LTBP3: variants seen among roughly 807,000 people sequenced by gnomAD.
LTBP3 encodes the protein latent transforming growth factor beta binding protein 3.
LTBP3 carries 97 observed loss-of-function variants against 159.7 expected under a neutral mutation model. That is an observed-to-expected ratio of 0.61 (90% CI 0.52 to 0.72). LTBP3 has a LOEUF of 0.72. Ranked by LOEUF, LTBP3 falls within the 30% of genes least tolerant of loss-of-function variation. LTBP3 has a pLI of 0.00. For missense variants in LTBP3, 1,584 were observed against 1,864.3 expected (o/e 0.85, Z 2.77); for synonymous variants, 824 against 777.1 (o/e 1.06, Z -1.00).
In LTBP3 at chr11:65,558,019, C is replaced by T. The variant is rs1456012316; in HGVS notation, c.-60G>A. ...CCCGGGCGGGGCGAGGGGCCCGCGCCCGAAGGGAGTAGAGGGCCGGGAGCC... is the reference window on the plus strand; with the variant it reads ...CCCGGGCGGGGCGAGGGGCCCGCGCTCGAAGGGAGTAGAGGGCCGGGAGCC... On this transcript the variant is annotated 5_prime_UTR_variant, in exon 1 of 28. Coordinates refer to ENST00000301873, the MANE Select transcript of LTBP3 (RefSeq NM_001130144.3). 3.7e-6 allele frequency: 4 copies of T among 1,094,090 alleles called. No homozygotes were observed. The African/African-American group carries it at 6.7e-5, about 18-fold the overall frequency. 67.8% of individuals were successfully genotyped at this position (1,094,090 alleles called of 1,614,324 possible).
At position 65,538,832 on chromosome 11, in the gene LTBP3, C is replaced by G; in HGVS notation, c.*248G>C. The G allele has an allele frequency of 1.2e-6, 1 of 818,702 alleles. No homozygotes were observed. The allele number at this position is 818,702 out of a possible 1,614,324, so 50.7% of individuals were successfully genotyped here. A position where few individuals can be genotyped will look rare whatever the true frequency, so the allele number is the denominator to read the frequency against. On this transcript the variant is annotated 3_prime_UTR_variant, in exon 28 of 28. Transcript: ENST00000301873. ...AAAGCCAAGGGTAAAGAGGCACGAT[C>G]TGATTTATCAGTTTCTAGGAAACAC...
chr11:65,552,128 T>A lies in LTBP3; in HGVS notation c.1375A>T (p.Lys459Ter). Reference sequence around the variant, plus strand: ...TGGGAGGTGAGAATGTGGTATCCCTTCCCAGCTGGGCAGATCTCCTTGAAC... The same window carrying A: ...TGGGAGGTGAGAATGTGGTATCCCTACCCAGCTGGGCAGATCTCCTTGAAC... ...AAFKEICPAG[K>*]GYHILTSHQT... is the part of the protein sequence containing the mutation. The change falls in exon 8 of 28, where the codon AAG (lysine) becomes TAG (stop). Residue 459 changes from lysine to a stop codon, truncating the protein, a stop_gained. Transcript: ENST00000301873. LOFTEE classifies it high-confidence loss of function. The surrounding 1 kb of genome is among the most constrained non-coding windows in gnomAD (Gnocchi z 6.0). 1 of 1,614,112 alleles carries A rather than the reference T, an allele frequency of 6.2e-7. No homozygotes were observed. The highest frequency in any genetic ancestry group is 8.5e-7 in the Non-Finnish European group (1 of 1,180,012).
chr11:65,553,269 G>A lies in LTBP3; in HGVS notation c.971-13C>T. On this transcript the variant is annotated splice_polypyrimidine_tract_variant and intron_variant, in intron 4 of 27. Coordinates refer to ENST00000301873, the MANE Select transcript of LTBP3 (RefSeq NM_001130144.3). This position sits in a 1 kb window ranked among gnomAD's most constrained non-coding sequence, Gnocchi z 6.5. ...TGCACTCCTGTGTCTGCAGAGAGAG[G>A]ATAGCTTGGCAGGGGAGGGTGAGGA... The A allele has an allele frequency of 6.2e-7, 1 of 1,610,226 alleles. No homozygotes were observed.
chr11:65,540,962 G>C lies in LTBP3; in HGVS notation c.2894-8C>G. Reference sequence around the variant, plus strand: ...AGAGGCTGTGGAACTCGGCTGCAGGGGCAGGGCGGCCGTGGGGAGGGAAGA... The same window carrying C: ...AGAGGCTGTGGAACTCGGCTGCAGGCGCAGGGCGGCCGTGGGGAGGGAAGA... On this transcript the variant is annotated splice_region_variant and splice_polypyrimidine_tract_variant and intron_variant, in intron 20 of 27. Transcript: ENST00000301873. 1 of 1,612,546 alleles carries C rather than the reference G, an allele frequency of 6.2e-7. No individual in the cohort carries two copies. The highest frequency in any genetic ancestry group is 8.5e-7 in the Non-Finnish European group (1 of 1,179,400).
intron 16 of LTBP3, chr11:65,544,591 T>A (rs1008885312): frequency 6.6e-6 from 1 of 152,542 alleles, no homozygotes; most frequent in African/African-American, 2.4e-5. Context: ...CACCTCCCTC[T>A]CTGACTCCTC....
At position 65,540,634 on chromosome 11, in the gene LTBP3, G is replaced by A. The variant is rs558674342; in HGVS notation, c.2978-20C>T. ...CGATGTCTGCGGGGTGACAAACACTGGCCGCTCCGGTCCCGCAGCTGCAGC... is the reference window on the plus strand; with the variant it reads ...CGATGTCTGCGGGGTGACAAACACTAGCCGCTCCGGTCCCGCAGCTGCAGC... On this transcript the variant is annotated intron_variant, in intron 21 of 27. Transcript: ENST00000301873. The A allele has an allele frequency of 1.1e-5, 17 of 1,612,656 alleles. 1 individual carries two copies. The South Asian group carries it at 1.4e-4, about 14-fold the overall frequency.
chr11:65,545,647 C>T (rs931999398), intron 16 of LTBP3: 2 of 230,080 alleles, frequency 8.7e-6, no homozygotes, highest in Admixed American at 5.7e-5. Flanking sequence ...CTCATCCTGT[C>T]CACCACTGTC....
intron 1 of LTBP3, among the ~76,000 whole-genome samples, chr11:65,556,419 T>G (rs949718398): frequency 1.1e-4 from 16 of 152,110 alleles, no homozygotes; most frequent in Admixed American, 6.5e-5. Context: ...TCCCAGCTAC[T>G]TGGGAGGCTG....
chr11:65,551,481 G>A lies in LTBP3; in HGVS notation c.1549-7C>T, dbSNP rs1444021779. The A allele has an allele frequency of 1.9e-6, 3 of 1,614,050 alleles. No homozygotes were observed. Among genetic ancestry groups the A allele is most frequent in the Non-Finnish European group, 2.5e-6 (3 of 1,180,012 alleles). ...ACCTCTCCTCACTCACCGGCTGCGGGTGACAGCAGCATGAGCCCTCCTGTC... is the reference window on the plus strand; with the variant it reads ...ACCTCTCCTCACTCACCGGCTGCGGATGACAGCAGCATGAGCCCTCCTGTC... On this transcript the variant is annotated splice_polypyrimidine_tract_variant and splice_region_variant and intron_variant, in intron 9 of 27. Coordinates refer to ENST00000301873, the MANE Select transcript of LTBP3 (RefSeq NM_001130144.3).
intron 8 of LTBP3, 150 bp downstream of exon 8, chr11:65,551,822 G>A: frequency 9.7e-7 from 1 of 1,026,424 alleles, no homozygotes; most frequent in Admixed American, 1.7e-5. Context: ...ATCTGGGTCA[G>A]GGGTCAGAGG....
chr11:65,541,081 A>G (rs1339923934), intron 20 of LTBP3, 45 bp downstream of exon 20: 1 of 1,597,406 alleles, frequency 6.3e-7, no homozygotes, highest in Non-Finnish European at 8.5e-7. Context: ...TGGCTTCCAG[A>G]TGAAGAAACT....
At chr11:65,548,928 T>C (rs149373415) in intron 11 of LTBP3, 1 of 152,272 alleles carries the variant, frequency 6.6e-6, no homozygotes, top group African/African-American at 2.4e-5. Context: ...TCATGGAGGA[T>C]CAGGGTTTCA....
At chr11:65,557,271 A>T (rs188756390) in intron 1 of LTBP3, among the ~76,000 whole-genome samples, 6 of 152,190 alleles carry the variant, frequency 3.9e-5, no homozygotes, top group Admixed American at 1.3e-4. Context: ...GGGAATATTT[A>T]GCCCTTCTCT....
chr11:65,540,678 C>T, intron 21 of LTBP3, 64 bp from the exon 22 acceptor site: 8 of 1,535,308 alleles, frequency 5.2e-6, no homozygotes, highest in East Asian at 4.7e-5. Context: ...GTGGGCTGGG[C>T]GCACCACCGG....
intron 19 of LTBP3, 94 bp from the exon 20 acceptor site, chr11:65,541,387 C>T: frequency 1.3e-6 from 2 of 1,510,062 alleles, no homozygotes; most frequent in Non-Finnish European, 1.8e-6. Flanking sequence ...CCCACATTCC[C>T]TGGCTCCCCT....
At chr11:65,556,488 A>G (rs1413829024) in intron 1 of LTBP3, among the ~76,000 whole-genome samples, 1 of 152,180 alleles carries the variant, frequency 6.6e-6, no homozygotes, top group Non-Finnish European at 1.5e-5. Context: ...AGATTGCGCC[A>G]TTGCACTCCA....
Position 65,552,368 on chromosome 11 carries a change from C to G in LTBP3, c.1225G>C (p.Val409Leu), listed in dbSNP as rs760261632. 6.2e-7 allele frequency: 1 copy of G among 1,613,980 alleles called. No individual in the cohort carries two copies. The highest frequency in any genetic ancestry group is 8.5e-7 in the Non-Finnish European group (1 of 1,179,986). The part of the protein sequence containing the change: ...PEEKSLCFRL[V>L]SPEHQCQHPL... ...TGCTGGCACTGGTGCTCAGGGCTCA[C>G]CAGGCGGAAACACAGGCTCTTCTCC... The change falls in exon 7 of 28, where the codon GTG (valine) becomes CTG (leucine). Residue 409 changes from valine (V) to leucine (L), a missense_variant. Val to Leu is a conservative substitution (Grantham distance 32, BLOSUM62 1). This residue lies in a region of LTBP3 where 156 missense variants were observed against 259.7 expected (regional missense o/e 0.60). Coordinates refer to ENST00000301873, the MANE Select transcript of LTBP3 (RefSeq NM_001130144.3). This position sits in a 1 kb window ranked among gnomAD's most constrained non-coding sequence, Gnocchi z 6.0.
chr11:65,539,168 T>C lies in LTBP3; in HGVS notation c.3824A>G (p.Asn1275Ser). The C allele has an allele frequency of 3.3e-6, 5 of 1,507,300 alleles. No individual in the cohort carries two copies. The highest frequency in any genetic ancestry group is 4.5e-6 in the Non-Finnish European group (5 of 1,123,430). 93.4% of individuals were successfully genotyped at this position (1,507,300 alleles called of 1,614,324 possible). Reference sequence around the variant, plus strand: ...GACGCAGCGGAAGGAGCCGCTGGTGTTCACGCAGCGCTCGCTCTTGCACAG... The same window carrying C: ...GACGCAGCGGAAGGAGCCGCTGGTGCTCACGCAGCGCTCGCTCTTGCACAG... Reference protein sequence around the residue: ...GLLCKSERCVNTSGSFRCVCK... With the variant: ...GLLCKSERCVSTSGSFRCVCK... Residue 1275 changes from asparagine (N) to serine (S), a missense_variant, in exon 28 of 28, where the codon AAC (asparagine) becomes AGC (serine). Physicochemically the swap from Asn to Ser is conservative, Grantham distance 46. Around this residue, in one of 6 missense-constraint regions of LTBP3, gnomAD observed 514 missense variants for 530.3 expected, o/e 0.97. Transcript: ENST00000301873.
In LTBP3 at chr11:65,538,662, C is replaced by A; in HGVS notation, c.*418G>T. 1 of 1,368,048 alleles carries A rather than the reference C, an allele frequency of 7.3e-7. No individual in the cohort carries two copies. Among genetic ancestry groups the A allele is most frequent in the Admixed American group, 2.3e-5 (1 of 44,382 alleles). The allele number at this position is 1,368,048 out of a possible 1,614,324, so 84.7% of individuals were successfully genotyped here. A position where few individuals can be genotyped will look rare whatever the true frequency, so the allele number is the denominator to read the frequency against. On this transcript the variant is annotated 3_prime_UTR_variant, in exon 28 of 28. Transcript: ENST00000301873. Reference sequence around the variant, plus strand: ...AGCCCGGCCGGCCCAGCCAGGCCATCTCACGTGTACATAATCAGAGCCACA... The same window carrying A: ...AGCCCGGCCGGCCCAGCCAGGCCATATCACGTGTACATAATCAGAGCCACA...
Sources: allele counts gnomAD v4.1 joint callset (sites outside exome capture counted in the v4.1 genomes callset), GRCh38; gene constraint gnomAD v4.1.1; regional missense constraint gnomAD v4.1.1; non-coding constraint Gnocchi (gnomAD v3.1); transcripts MANE v1.5; gene names NCBI Gene and HGNC (gene_info 2026-07-23, HGNC 2026-07-21).